Variants in CACNA1B observed in about 807,000 individuals in gnomAD.
CACNA1B encodes calcium voltage-gated channel subunit alpha1 B.
In CACNA1B, 70 loss-of-function variants were observed where a neutral mutation model predicts 247.2. The observed-to-expected ratio is 0.28, with a 90% CI of 0.23 to 0.35. The LOEUF (loss-of-function observed/expected upper bound fraction) is 0.35, where lower values mean the gene tolerates loss of function less well. CACNA1B is among the 10% of genes least tolerant of loss of function. The pLI is 1.00. For missense variants in CACNA1B, 2,367 were observed against 3,197.4 expected (o/e 0.74, Z 6.26); for synonymous variants, 1,231 against 1,294.4 (o/e 0.95, Z 1.05).
chr9:138,046,866 C>T (rs200502842), intron 21 of CACNA1B, 38 bp from the exon 22 acceptor site: 6 of 1,597,816 alleles, frequency 3.8e-6, no homozygotes, highest in Non-Finnish European at 4.3e-6. Flanking sequence ...GCGCGCCCGG[C>T]TGGGGGGCCT....
chr9:138,052,160 A>C lies in CACNA1B; in HGVS notation c.3779A>C (p.Lys1260Thr). 1.2e-6 allele frequency: 2 copies of C among 1,611,660 alleles called. No individual in the cohort carries two copies. The highest frequency in any genetic ancestry group is 1.7e-6 in the Non-Finnish European group (2 of 1,178,470). ...LRVLRVLRPL[K>T]TIKRLPKLKA... ...GTCCTTCGTGTCCTGCGGCCCCTCA[A>C]GACCATCAAACGGCTGCCCAAGCTC... The change falls in exon 25 of 47, where the codon AAG (lysine) becomes ACG (threonine). Residue 1260 changes from lysine to threonine, a missense_variant. Lys to Thr is a moderately conservative substitution (Grantham distance 78, BLOSUM62 -1). Around this residue, in one of 12 missense-constraint regions of CACNA1B, gnomAD observed 436 missense variants for 679.5 expected, o/e 0.64. Coordinates refer to ENST00000371372, the MANE Select transcript of CACNA1B (RefSeq NM_000718.4). This position sits in a 1 kb window ranked among gnomAD's most constrained non-coding sequence, Gnocchi z 5.1.
At chr9:138,084,096 C>T (rs1221637211) in intron 36 of CACNA1B, among the ~76,000 whole-genome samples, 7 of 150,980 alleles carry the variant, frequency 4.6e-5, no homozygotes, top group South Asian at 2.1e-4. Flanking sequence ...GCTATAATCT[C>T]GCCCCCTGGG....
chr9:138,110,893 A>C (rs1481822972), intron 39 of CACNA1B, among the ~76,000 whole-genome samples: 1 of 152,178 alleles, frequency 6.6e-6, no homozygotes, highest in East Asian at 1.9e-4. Flanking sequence ...TTTGAACAGA[A>C]GTGTCATCAA....
rs546187198 is a variant in CACNA1B, at chr9:138,014,022, C to T, written c.2267+787C>T. On this transcript the variant is annotated intron_variant, in intron 18 of 46. Coordinates refer to ENST00000371372, the MANE Select transcript of CACNA1B (RefSeq NM_000718.4). The surrounding 1 kb of genome is among the most constrained non-coding windows in gnomAD (Gnocchi z 6.2). ...CATTCCCCATGCTGATGGGCGGGCC[C>T]CAGCTCTTCAGCCGGCCACCCGCCC... Among the ~76,000 whole-genome samples, 1 of 152,402 alleles carries T rather than the reference C, an allele frequency of 6.6e-6. No homozygotes were observed. Among genetic ancestry groups the T allele is most frequent in the East Asian group, 1.9e-4 (1 of 5,186 alleles).
chr9:137,960,456 CTGAA>C (rs145942034), intron 10 of CACNA1B, among the ~76,000 whole-genome samples: 36,532 of 59,596 alleles, frequency 0.61, 8,652 homozygotes, highest in African/African-American at 0.76. Flanking sequence ...GGAGGTCGGC[CTGAA>C]TGAAGGACAC....
chr9:138,016,472 G>T (rs1958793348), intron 18 of CACNA1B, among the ~76,000 whole-genome samples: 1 of 152,260 alleles, frequency 6.6e-6, no homozygotes, highest in African/African-American at 2.4e-5. Flanking sequence ...TTGCCCTGGA[G>T]GTGTCCTGGT....
At position 137,950,947 on chromosome 9, in the gene CACNA1B, G is replaced by A. The variant is rs1403166877; in HGVS notation, c.967-1327G>A. ...GAAGTCCTGTTTTTTAAGATGAGAG[G>A]AATTAGAGCCAGTTGGCTACTGATG... On this transcript the variant is annotated intron_variant, in intron 6 of 46. Transcript: ENST00000371372. This position sits in a 1 kb window ranked among gnomAD's most constrained non-coding sequence, Gnocchi z 4.8. 6.6e-6 allele frequency among the ~76,000 whole-genome samples: 1 copy of A among 152,228 alleles called. No homozygotes were observed. Among genetic ancestry groups the A allele is most frequent in the East Asian group, 1.9e-4 (1 of 5,194 alleles).
In CACNA1B at chr9:138,059,993, G is replaced by T. The variant is rs1293202573; in HGVS notation, c.4668+256G>T. 6.6e-6 allele frequency among the ~76,000 whole-genome samples: 1 copy of T among 152,166 alleles called. No individual in the cohort carries two copies. Among genetic ancestry groups the T allele is most frequent in the Non-Finnish European group, 1.5e-5 (1 of 68,036 alleles). ...CCTGAGAGTTACCTGGAGCTCCATGGTAACAACTAATCAAGAAGATGTGAA... is the reference window on the plus strand; with the variant it reads ...CCTGAGAGTTACCTGGAGCTCCATGTTAACAACTAATCAAGAAGATGTGAA... On this transcript the variant is annotated intron_variant, in intron 31 of 46. Coordinates refer to ENST00000371372, the MANE Select transcript of CACNA1B (RefSeq NM_000718.4). This position sits in a 1 kb window ranked among gnomAD's most constrained non-coding sequence, Gnocchi z 4.2.
Position 138,007,727 on chromosome 9 carries a change from C to T in CACNA1B, c.2092+843C>T, listed in dbSNP as rs115394434. On this transcript the variant is annotated intron_variant, in intron 16 of 46. Coordinates refer to ENST00000371372, the MANE Select transcript of CACNA1B (RefSeq NM_000718.4). The surrounding 1 kb of genome is among the most constrained non-coding windows in gnomAD (Gnocchi z 4.1). ...GCCCGTGTTTCTGTTCTGGGGACCC[C>T]ACTTTGAGAACTGCTGTGACAGAAC... Among the ~76,000 whole-genome samples the T allele has an allele frequency of 4.8e-3, 725 of 152,228 alleles. 5 individuals carry two copies. Among genetic ancestry groups the T allele is most frequent in the African/African-American group, 0.017 (687 of 41,516 alleles).
rs780372193 is a variant in CACNA1B, at chr9:137,986,760, C to G, written c.1902-22C>G. 9 of 1,605,434 alleles carry G rather than the reference C, an allele frequency of 5.6e-6. No individual in the cohort carries two copies. The East Asian group carries it at 2.0e-4, about 36-fold the overall frequency. ...CGCTGCTGACGGGACTGCCACTTCC[C>G]AAGCCTTCCTGTTTTCCTCAGGTTC... On this transcript the variant is annotated intron_variant, in intron 14 of 46. Transcript: ENST00000371372. The surrounding 1 kb of genome is among the most constrained non-coding windows in gnomAD (Gnocchi z 6.0).
chr9:137,996,311 A>G (rs1958500098), intron 15 of CACNA1B, among the ~76,000 whole-genome samples: 1 of 152,232 alleles, frequency 6.6e-6, no homozygotes, highest in Non-Finnish European at 1.5e-5. Context: ...ATACCAGTAT[A>G]CTATAGAATA....
intron 6 of CACNA1B, among the ~76,000 whole-genome samples, chr9:137,934,727 A>C (rs1957645547): frequency 6.6e-6 from 1 of 152,178 alleles, no homozygotes; most frequent in African/African-American, 2.4e-5. Flanking sequence ...GAGAGACAAC[A>C]ATCACTATAG....
At chr9:137,983,524 C>A (rs1462078132) in intron 12 of CACNA1B, among the ~76,000 whole-genome samples, 1 of 152,118 alleles carries the variant, frequency 6.6e-6, no homozygotes, top group African/African-American at 2.4e-5. Context: ...AATTCCAGCT[C>A]ACCAACATCA....
intron 36 of CACNA1B, among the ~76,000 whole-genome samples, chr9:138,095,055 T>C (rs1961012009): frequency 6.6e-6 from 1 of 152,208 alleles, no homozygotes; most frequent in Non-Finnish European, 1.5e-5. Flanking sequence ...GAATTGGTGA[T>C]GGATTCTTAG....
rs1959325938 is a variant in CACNA1B at position 138,052,412 on chromosome 9, A to G, written c.3807+224A>G. 6.6e-6 allele frequency among the ~76,000 whole-genome samples: 1 copy of G among 152,262 alleles called. No individual in the cohort carries two copies. Among genetic ancestry groups the G allele is most frequent in the East Asian group, 1.9e-4 (1 of 5,160 alleles). ...TCCTCCTCCTTAGCCCAGCAGGACC[A>G]GGCGGCACAGGGTTTTTCTTCAGCA... is the stretch of plus-strand genomic sequence containing the variant. On this transcript the variant is annotated intron_variant, in intron 25 of 46. Transcript: ENST00000371372. This position sits in a 1 kb window ranked among gnomAD's most constrained non-coding sequence, Gnocchi z 5.1.
intron 15 of CACNA1B, among the ~76,000 whole-genome samples, chr9:137,999,491 G>GA (rs935631811): frequency 7.7e-4 from 109 of 142,210 alleles, no homozygotes; most frequent in Admixed American, 1.1e-3. Context: ...GCAGTTATCA[G>GA]AAAAAAAAAA....
intron 31 of CACNA1B, among the ~76,000 whole-genome samples, chr9:138,063,617 G>A (rs1421222435): frequency 1.3e-5 from 2 of 152,260 alleles, no homozygotes; most frequent in Non-Finnish European, 2.9e-5. Context: ...AGCAGTGACT[G>A]CTGAAGAGTG....
intron 15 of CACNA1B, among the ~76,000 whole-genome samples, chr9:137,988,217 G>C (rs1039132072): frequency 6.6e-6 from 1 of 152,236 alleles, no homozygotes; most frequent in Non-Finnish European, 1.5e-5. Context: ...GGAGCTGCCC[G>C]TAGGGTCCTG....
At chr9:137,991,242 C>T (rs1185763113) in intron 15 of CACNA1B, among the ~76,000 whole-genome samples, 1 of 152,186 alleles carries the variant, frequency 6.6e-6, no homozygotes, top group African/African-American at 2.4e-5. Flanking sequence ...AAAAAAATCA[C>T]AGTTTCTGGA....
Sources: gnomAD v4.1 joint callset for allele counts (sites outside exome capture counted in the v4.1 genomes callset) on GRCh38, gnomAD v4.1.1 for gene constraint, gnomAD v4.1.1 regional missense constraint, Gnocchi (gnomAD v3.1) non-coding constraint, MANE v1.5 for transcripts, NCBI Gene and HGNC (gene_info 2026-07-23, HGNC 2026-07-21) for gene names.